PLXNC1: variants seen among roughly 807,000 people sequenced by gnomAD.
PLXNC1 encodes plexin-C1.
PLXNC1 carries 75 observed loss-of-function variants against 178.2 expected under a neutral mutation model. That is an observed-to-expected ratio of 0.42 (90% CI 0.35 to 0.51). PLXNC1 has a LOEUF of 0.51. Ranked by LOEUF, PLXNC1 falls within the 20% of genes least tolerant of loss-of-function variation. The pLI is 0.02. For missense variants in PLXNC1, 1,503 were observed against 1,984.4 expected (o/e 0.76, Z 4.61); for synonymous variants, 790 against 779.9 (o/e 1.01, Z -0.22).
chr12:94,149,695 G>C lies in PLXNC1; in HGVS notation c.724G>C (p.Gly242Arg), dbSNP rs543595793. ...LHFVDAFLWN[G>R]SIYFPYYPYN... ...CTTCGTGGACGCCTTTCTCTGGAAC[G>C]GCAGCATCTACTTCCCCTACTACCC... is the stretch of plus-strand genomic sequence containing the variant. The change falls in exon 1 of 31, where the codon GGC (glycine) becomes CGC (arginine). Residue 242 changes from glycine (G) to arginine (R), a missense_variant. By Grantham distance (125) the Gly-to-Arg change is moderately radical (BLOSUM62 -2). Around this residue, in one of 4 missense-constraint regions of PLXNC1, gnomAD observed 615 missense variants for 698.6 expected, o/e 0.88. Transcript: ENST00000258526. 2.5e-5 allele frequency: 41 copies of C among 1,611,608 alleles called. No homozygotes were observed. The South Asian group carries it at 3.3e-4, about 13-fold the overall frequency.
At chr12:94,235,221 G>A (rs922226168) in intron 9 of PLXNC1, among the ~76,000 whole-genome samples, 7 of 152,106 alleles carry the variant, frequency 4.6e-5, no homozygotes, top group African/African-American at 1.7e-4. Context: ...AAATGTTTTT[G>A]AAGTAGCAAG....
intron 4 of PLXNC1, among the ~76,000 whole-genome samples, chr12:94,196,647 A>G (rs1427626954): frequency 2.0e-5 from 3 of 152,240 alleles, no homozygotes; most frequent in African/African-American, 7.2e-5. Flanking sequence ...GTCCAGATGG[A>G]TGTGACTGTT....
intron 2 of PLXNC1, among the ~76,000 whole-genome samples, chr12:94,180,496 G>A (rs1044429145): frequency 6.6e-6 from 1 of 152,112 alleles, no homozygotes; most frequent in Non-Finnish European, 1.5e-5. Flanking sequence ...AGTTCTATGA[G>A]GTCAGGAGCT....
At chr12:94,258,885 C>A (rs1235199190) in intron 17 of PLXNC1, among the ~76,000 whole-genome samples, 2 of 152,200 alleles carry the variant, frequency 1.3e-5, no homozygotes, top group Non-Finnish European at 2.9e-5. Context: ...TTTTAACTAC[C>A]CCCTGTCTTT....
intron 23 of PLXNC1, among the ~76,000 whole-genome samples, chr12:94,291,369 G>A (rs3952590): frequency 0.75 from 114,830 of 152,110 alleles, 44,708 homozygotes; most frequent in East Asian, 0.97. Flanking sequence ...GACTACAGGC[G>A]TGTGCCACAA....
At chr12:94,154,742 C>T (rs1961096613) in intron 1 of PLXNC1, among the ~76,000 whole-genome samples, 1 of 152,174 alleles carries the variant, frequency 6.6e-6, no homozygotes, top group Admixed American at 6.5e-5. Flanking sequence ...TCTAGGTTTG[C>T]ATTGGTGACC....
intron 1 of PLXNC1, among the ~76,000 whole-genome samples, chr12:94,160,889 G>A (rs920134371): frequency 6.6e-6 from 1 of 152,202 alleles, no homozygotes; most frequent in Non-Finnish European, 1.5e-5. Flanking sequence ...GCAAGATATA[G>A]AGGCAGTAAC....
intron 1 of PLXNC1, among the ~76,000 whole-genome samples, chr12:94,152,528 A>C (rs1377790310): frequency 6.6e-6 from 1 of 152,156 alleles, no homozygotes; most frequent in Non-Finnish European, 1.5e-5. Context: ...TCTGCATTTT[A>C]TTTTCAGGTC....
At chr12:94,273,388 A>G (rs1025918590) in intron 21 of PLXNC1, among the ~76,000 whole-genome samples, 14 of 152,012 alleles carry the variant, frequency 9.2e-5, no homozygotes, top group Non-Finnish European at 5.9e-5. Flanking sequence ...AGCCTGAGTG[A>G]GTGATTGAAG....
At chr12:94,179,557 A>G (rs1202901736) in intron 2 of PLXNC1, among the ~76,000 whole-genome samples, 1 of 152,048 alleles carries the variant, frequency 6.6e-6, no homozygotes, top group Non-Finnish European at 1.5e-5. Flanking sequence ...CCTGGCCAAC[A>G]TGGTGAAACC....
chr12:94,275,592 G>A lies in PLXNC1; in HGVS notation c.3598-3880G>A, dbSNP rs182438232. Reference sequence around the variant, plus strand: ...TGTTTGGCCGGGCGCGGTGGCTCACGCCTGTAATCCCAGCACTTTGGGAGG... The same window carrying A: ...TGTTTGGCCGGGCGCGGTGGCTCACACCTGTAATCCCAGCACTTTGGGAGG... On this transcript the variant is annotated intron_variant, in intron 21 of 30. Coordinates refer to ENST00000258526, the MANE Select transcript of PLXNC1 (RefSeq NM_005761.3). Among the ~76,000 whole-genome samples the A allele has an allele frequency of 5.3e-4, 46 of 86,210 alleles. 8 individuals carry two copies. Among genetic ancestry groups the A allele is most frequent in the African/African-American group, 2.0e-3 (41 of 20,016 alleles). 56.6% of individuals were successfully genotyped at this position (86,210 alleles called of 152,430 possible).
chr12:94,217,394 C>T (rs1241296484), intron 5 of PLXNC1, among the ~76,000 whole-genome samples: 1 of 152,196 alleles, frequency 6.6e-6, no homozygotes, highest in Non-Finnish European at 1.5e-5. Flanking sequence ...TGTAGACAAT[C>T]TTATTCACTT....
chr12:94,243,930 C>G lies in PLXNC1; in HGVS notation c.2301-8C>G, dbSNP rs573859610. ...TGAAACCCTTATTGTTGCTTTTATTCCTTGCAGTGGTGGTCAAAATATAAC... is the reference window on the plus strand; with the variant it reads ...TGAAACCCTTATTGTTGCTTTTATTGCTTGCAGTGGTGGTCAAAATATAAC... On this transcript the variant is annotated splice_polypyrimidine_tract_variant and splice_region_variant and intron_variant, in intron 11 of 30. Coordinates refer to ENST00000258526, the MANE Select transcript of PLXNC1 (RefSeq NM_005761.3). 1.5e-5 allele frequency: 23 copies of G among 1,491,000 alleles called. 1 individual carries two copies. In the South Asian group the frequency reaches 2.7e-4, roughly 17 times the overall value. 92.4% of individuals were successfully genotyped at this position (1,491,000 alleles called of 1,614,324 possible).
intron 6 of PLXNC1, among the ~76,000 whole-genome samples, chr12:94,220,599 C>T (rs1963766950): frequency 6.6e-6 from 1 of 152,100 alleles, no homozygotes; most frequent in Admixed American, 6.5e-5. Flanking sequence ...AGGCACTATG[C>T]TAGGTACTAG....
intron 6 of PLXNC1, among the ~76,000 whole-genome samples, chr12:94,221,344 A>G (rs10859688): frequency 0.48 from 73,535 of 151,956 alleles, 18,667 homozygotes; most frequent in East Asian, 0.61. Flanking sequence ...CAAGTGAGAG[A>G]GAAAGTGAAA....
chr12:94,294,857 A>C (rs1967741685), intron 24 of PLXNC1, among the ~76,000 whole-genome samples: 2 of 152,156 alleles, frequency 1.3e-5, no homozygotes, highest in Non-Finnish European at 2.9e-5. Context: ...CTAACAGAGG[A>C]GATCCCCCTG....
At chr12:94,212,273 C>CAAA (rs146191533) in intron 5 of PLXNC1, among the ~76,000 whole-genome samples, 31 of 89,134 alleles carry the variant, frequency 3.5e-4, no homozygotes, top group South Asian at 8.4e-4. Flanking sequence ...GACTCCGTCT[C>CAAA]AAAAAAAAAA....
At position 94,303,851 on chromosome 12, in the gene PLXNC1, A is replaced by G; in HGVS notation, c.4482A>G (p.Pro1494=). The change falls in exon 29 of 31, where the codon CCA becomes CCG. Residue 1494 remains proline (P), a synonymous_variant. Transcript: ENST00000258526. ...ACAAAGCAATCAGGGATTTGCCTCC[A>G]TTGTCATCCTCAGAAATGGAAGAAT... ...SYYKAIRDLP[P]LSSSEMEEFL... 6.2e-7 allele frequency: 1 copy of G among 1,610,444 alleles called. No individual in the cohort carries two copies. The highest frequency in any genetic ancestry group is 8.5e-7 in the Non-Finnish European group (1 of 1,178,480).
At chr12:94,301,688 C>A (rs1053920119) in intron 28 of PLXNC1, among the ~76,000 whole-genome samples, 2 of 152,164 alleles carry the variant, frequency 1.3e-5, no homozygotes, top group East Asian at 3.8e-4. Context: ...AGGAGGAGTT[C>A]TTGGGCAGGA....
Sources: gnomAD v4.1 joint callset for allele counts (sites outside exome capture counted in the v4.1 genomes callset) on GRCh38, gnomAD v4.1.1 for gene constraint, gnomAD v4.1.1 regional missense constraint, MANE v1.5 for transcripts, NCBI Gene and HGNC (gene_info 2026-07-23, HGNC 2026-07-21) for gene names.